SVOPL: variants seen among roughly 807,000 people sequenced by gnomAD.
The protein encoded by SVOPL is SVOP like.
Under a neutral mutation model 61.0 loss-of-function variants are expected in SVOPL, and 60 were observed. That is an observed-to-expected ratio of 0.98 (90% CI 0.80 to 1.22). The LOEUF (loss-of-function observed/expected upper bound fraction) is 1.22. SVOPL is among the 50% of genes most tolerant of loss of function. SVOPL has a pLI of 0.00. For synonymous variants in SVOPL, 279 were observed against 250.0 expected (o/e 1.12, Z -1.09); for missense variants, 662 against 643.9 (o/e 1.03, Z -0.30).
intron 14 of SVOPL, among the ~76,000 whole-genome samples, chr7:138,611,881 C>G (rs1406860442): frequency 7.9e-5 from 6 of 75,778 alleles, no homozygotes; most frequent in African/African-American, 9.2e-5. Flanking sequence ...GGCCGCCACC[C>G]CGTCTGGGAG....
intron 14 of SVOPL, among the ~76,000 whole-genome samples, chr7:138,618,438 T>C (rs1799397543): frequency 6.6e-6 from 1 of 151,922 alleles, no homozygotes; most frequent in Admixed American, 6.6e-5. Flanking sequence ...GGCGGGCCGA[T>C]CACCTGAGGT....
chr7:138,619,915 G>A (rs1799474928), intron 14 of SVOPL, among the ~76,000 whole-genome samples: 2 of 152,086 alleles, frequency 1.3e-5, no homozygotes, highest in Admixed American at 1.3e-4. Flanking sequence ...GGCAAGCACA[G>A]CACCCTGGTT....
intron 14 of SVOPL, 46 bp from the exon 15 acceptor site, chr7:138,596,576 C>T: frequency 8.1e-6 from 13 of 1,596,530 alleles, no homozygotes; most frequent in Non-Finnish European, 1.1e-5. Flanking sequence ...CTCCAGTTAC[C>T]TCTAAACTGT....
At chr7:138,628,471 C>G (rs762519209) in intron 10 of SVOPL, 108 bp from the exon 11 acceptor site, 1 of 1,145,206 alleles carries the variant, frequency 8.7e-7, no homozygotes, top group East Asian at 2.5e-5. Flanking sequence ...GCAAAGAGAG[C>G]AGAAAGCCAG....
intron 8 of SVOPL, among the ~76,000 whole-genome samples, chr7:138,645,337 CATT>C (rs1172201785): frequency 6.6e-6 from 1 of 152,138 alleles, no homozygotes; most frequent in Non-Finnish European, 1.5e-5. Context: ...ACGCAGAAAA[CATT>C]ATGGACTTCC....
At position 138,649,023 on chromosome 7, in the gene SVOPL, C is replaced by A; in HGVS notation, c.649G>T (p.Val217Leu). Residue 217 changes from valine to leucine, a missense_variant, in exon 8 of 16, where the codon GTG becomes TTG. By Grantham distance (32) the Val-to-Leu change is conservative. Transcript: ENST00000674285. ...AAGTGCTTCCCCACCTTGAAGGCCA[C>A]GATGAGGATGATGCCCGGGATGGAG... ...VASIPGIILI[V>L]AFKFIPESAR... The A allele has an allele frequency of 6.2e-7, 1 of 1,613,606 alleles. No homozygotes were observed. The highest frequency in any genetic ancestry group is 8.5e-7 in the Non-Finnish European group (1 of 1,179,854).
chr7:138,671,944 C>T, intron 4 of SVOPL, 75 bp downstream of exon 4: 1 of 1,380,496 alleles, frequency 7.2e-7, no homozygotes, highest in Non-Finnish European at 1.0e-6. Context: ...CTTTGGCTCT[C>T]AGCCCTGCAG....
intron 9 of SVOPL, among the ~76,000 whole-genome samples, chr7:138,637,694 G>A (rs1800564692): frequency 6.6e-6 from 1 of 152,110 alleles, no homozygotes; most frequent in Non-Finnish European, 1.5e-5. Flanking sequence ...GCTCATGCCT[G>A]TAATTCCAGC....
At chr7:138,689,334 G>C (rs1802887727) in intron 1 of SVOPL, 1 of 1,591,726 alleles carries the variant, frequency 6.3e-7, no homozygotes, top group East Asian at 2.2e-5. Context: ...GCATATCCAA[G>C]TGAACAAAGC....
At chr7:138,644,925 A>G (rs926021669) in intron 8 of SVOPL, 80 bp from the exon 9 acceptor site, 3 of 1,552,490 alleles carry the variant, frequency 1.9e-6, no homozygotes, top group Non-Finnish European at 1.8e-6. Context: ...TCTATACACT[A>G]CAGTCCTAGT....
intron 1 of SVOPL, among the ~76,000 whole-genome samples, chr7:138,695,271 GA>G (rs1803040628): frequency 6.6e-6 from 1 of 152,148 alleles, no homozygotes; most frequent in Non-Finnish European, 1.5e-5. Flanking sequence ...CAGCACTTTG[GA>G]AAGCCGAGGT....
chr7:138,689,095 T>C (rs960963297), intron 1 of SVOPL: 4 of 750,800 alleles, frequency 5.3e-6, no homozygotes, highest in African/African-American at 3.5e-5. Context: ...ATCAAGGGTA[T>C]GCATATATGA....
intron 7 of SVOPL, among the ~76,000 whole-genome samples, chr7:138,654,500 G>GTTTTTTTTTTTTTTT (rs71179717): frequency 8.0e-6 from 1 of 125,524 alleles, no homozygotes; most frequent in Non-Finnish European, 1.6e-5. Flanking sequence ...TACTGAGTTT[G>GTTTTTTTTTTTTTTT]TTTTTTTTTT....
chr7:138,657,452 T>C (rs1705676136), intron 6 of SVOPL, among the ~76,000 whole-genome samples: 1 of 152,210 alleles, frequency 6.6e-6, no homozygotes, highest in Non-Finnish European at 1.5e-5. Context: ...TGATTCCCTT[T>C]TCTAAAACAC....
At chr7:138,599,159 C>CAAAAAAAAAAAAAA (rs1336279820) in intron 14 of SVOPL, among the ~76,000 whole-genome samples, 1 of 82,746 alleles carries the variant, frequency 1.2e-5, no homozygotes, top group Non-Finnish European at 2.2e-5. Flanking sequence ...AAAAAAAAAC[C>CAAAAAAAAAAAAAA]AAAAAAAAAA....
intron 1 of SVOPL, among the ~76,000 whole-genome samples, chr7:138,700,840 C>T (rs942891899): frequency 6.6e-6 from 1 of 152,194 alleles, no homozygotes; most frequent in Admixed American, 6.6e-5. Context: ...GACCTACCTT[C>T]ACAAAACCTG....
chr7:138,663,607 G>C (rs146003293), intron 4 of SVOPL: 2 of 987,740 alleles, frequency 2.0e-6, no homozygotes, highest in African/African-American at 3.5e-5. Context: ...ACATTCATAA[G>C]TCCTAAGATA....
At chr7:138,677,654 T>C (rs1049268580) in intron 3 of SVOPL, among the ~76,000 whole-genome samples, 9 of 152,122 alleles carry the variant, frequency 5.9e-5, no homozygotes, top group Admixed American at 2.0e-4. Flanking sequence ...GTCTAGCACC[T>C]TTTAAAGGTC....
chr7:138,649,197 AAAG>A (rs1801298742), intron 7 of SVOPL, 60 bp from the exon 8 acceptor site: 12 of 1,536,048 alleles, frequency 7.8e-6, no homozygotes, highest in Non-Finnish European at 1.0e-5. Flanking sequence ...TGAAAAAAAA[AAAG>A]GAAAAATATA....
Sources: gnomAD v4.1 joint callset for allele counts (sites outside exome capture counted in the v4.1 genomes callset) on GRCh38, gnomAD v4.1.1 for gene constraint, MANE v1.5 for transcripts, NCBI Gene and HGNC (gene_info 2026-07-23, HGNC 2026-07-21) for gene names.